STIM2: variants seen among roughly 807,000 people sequenced by gnomAD.
STIM2 encodes stromal interaction molecule 2.
A neutral mutation model predicts 85.8 loss-of-function variants in STIM2; 31 were observed. That is an observed-to-expected ratio of 0.36 (90% CI 0.27 to 0.49). STIM2 has a LOEUF of 0.49. Among genes scored for constraint, STIM2 ranks in the 20% least tolerant of loss-of-function variants. STIM2 has a pLI of 0.98. For synonymous variants in STIM2, 356 were observed against 331.1 expected (o/e 1.08, Z -0.82); for missense variants, 841 against 927.6 (o/e 0.91, Z 1.21).
chr4:26,863,684 G>T (rs1722299656), intron 1 of STIM2, among the ~76,000 whole-genome samples: 1 of 152,046 alleles, frequency 6.6e-6, no homozygotes, highest in South Asian at 2.1e-4. Context: ...CATATTGTAG[G>T]CAGCGTTAAT....
At chr4:26,889,799 TA>T (rs1484847581) in intron 1 of STIM2, among the ~76,000 whole-genome samples, 1 of 152,202 alleles carries the variant, frequency 6.6e-6, no homozygotes, top group Non-Finnish European at 1.5e-5. Context: ...CAGAATGAGT[TA>T]TTCTATCTAC....
At chr4:26,872,082 T>C (rs1206978978) in intron 1 of STIM2, among the ~76,000 whole-genome samples, 2 of 152,248 alleles carry the variant, frequency 1.3e-5, no homozygotes, top group South Asian at 4.1e-4. Flanking sequence ...TTAACCATTA[T>C]TCTTTTTATC....
chr4:26,973,549 T>C (rs1727057248), intron 3 of STIM2, among the ~76,000 whole-genome samples: 1 of 152,206 alleles, frequency 6.6e-6, no homozygotes, highest in Admixed American at 6.5e-5. Context: ...TTGTGCGGTT[T>C]TGAGTGAATT....
At chr4:26,918,942 T>TA (rs1159352691) in intron 1 of STIM2, among the ~76,000 whole-genome samples, 2 of 152,112 alleles carry the variant, frequency 1.3e-5, no homozygotes, top group African/African-American at 2.4e-5. Context: ...CCTAAGAACT[T>TA]ACGTATTTTG....
At chr4:27,021,109 GTTCA>G (rs1258909322) in intron 11 of STIM2, 92 of 1,483,886 alleles carry the variant, frequency 6.2e-5, no homozygotes, top group Admixed American at 2.2e-4. Flanking sequence ...ATCTCACTCT[GTTCA>G]TTCATTCATT....
At chr4:26,971,031 T>C (rs969548707) in intron 3 of STIM2, among the ~76,000 whole-genome samples, 1 of 152,242 alleles carries the variant, frequency 6.6e-6, no homozygotes. Flanking sequence ...GTTGGCTGCA[T>C]AGATATCTTC....
chr4:26,970,916 CT>C (rs1196362263), intron 3 of STIM2, among the ~76,000 whole-genome samples: 6 of 152,118 alleles, frequency 3.9e-5, no homozygotes, highest in African/African-American at 1.4e-4. Flanking sequence ...TGTTTCCTGA[CT>C]TTTTAATGAT....
intron 2 of STIM2, among the ~76,000 whole-genome samples, chr4:26,943,327 A>G (rs1335440337): frequency 6.6e-6 from 1 of 152,150 alleles, no homozygotes; most frequent in African/African-American, 2.4e-5. Context: ...GGTAGTTTCC[A>G]AGGATCCTCT....
intron 3 of STIM2, among the ~76,000 whole-genome samples, chr4:26,983,210 T>G (rs1259993762): frequency 2.0e-5 from 3 of 152,222 alleles, no homozygotes; most frequent in Admixed American, 2.0e-4. Context: ...GAATCAGTCT[T>G]TTTGAGTTTG....
chr4:27,017,663 A>G lies in STIM2; in HGVS notation c.1490-48A>G, dbSNP rs1728772346. 1.1e-5 allele frequency: 18 copies of G among 1,605,298 alleles called. No homozygotes were observed. In the East Asian group the frequency reaches 4.0e-4, roughly 36 times the overall value. On this transcript the variant is annotated intron_variant, in intron 10 of 11. Coordinates refer to ENST00000467087, the MANE Select transcript of STIM2 (RefSeq NM_020860.4). ...GTGTATGTATTTGTGGTGACTGTAA[A>G]GGGAACCCTGGACTTCATGAGCATG...
intron 1 of STIM2, chr4:26,874,265 G>T: frequency 2.4e-6 from 1 of 419,298 alleles, no homozygotes; most frequent in East Asian, 6.2e-5. Flanking sequence ...ACAGGCTGCA[G>T]CTCCTTGCTG....
chr4:26,908,735 C>T (rs367776043), intron 1 of STIM2, among the ~76,000 whole-genome samples: 5 of 152,322 alleles, frequency 3.3e-5, no homozygotes, highest in South Asian at 4.1e-4. Context: ...CCACCCGTCT[C>T]GGCCTCCCAA....
chr4:26,996,682 A>G (rs1727971227), intron 4 of STIM2, among the ~76,000 whole-genome samples: 1 of 152,130 alleles, frequency 6.6e-6, no homozygotes, highest in Non-Finnish European at 1.5e-5. Context: ...TAGATGCTTG[A>G]AAGAAGACAA....
chr4:26,899,674 T>C (rs1180227461), intron 1 of STIM2, among the ~76,000 whole-genome samples: 5 of 152,220 alleles, frequency 3.3e-5, no homozygotes. Flanking sequence ...TACTTTTTCC[T>C]GAGTAGTTTG....
At position 26,994,302 on chromosome 4, in the gene STIM2, A is replaced by T. The variant is rs191191063; in HGVS notation, c.398-1077A>T. On this transcript the variant is annotated intron_variant, in intron 3 of 11. Transcript: ENST00000467087. Reference sequence around the variant, plus strand: ...TCGTTTCCCCAATCTTTTCCTCCCCATTCTTTTCTATCTCAGTTAATGGTA... The same window carrying T: ...TCGTTTCCCCAATCTTTTCCTCCCCTTTCTTTTCTATCTCAGTTAATGGTA... 3.7e-4 allele frequency among the ~76,000 whole-genome samples: 56 copies of T among 151,884 alleles called. No individual in the cohort carries two copies. The South Asian group carries it at 0.011, about 30-fold the overall frequency.
At chr4:26,875,118 T>C (rs1305105610) in intron 1 of STIM2, among the ~76,000 whole-genome samples, 6 of 152,212 alleles carry the variant, frequency 3.9e-5, no homozygotes, top group Admixed American at 3.9e-4. Context: ...ATAAATCTCT[T>C]TGAGTTTTAT....
chr4:26,929,653 C>A (rs899050888), intron 2 of STIM2, among the ~76,000 whole-genome samples: 1 of 151,652 alleles, frequency 6.6e-6, no homozygotes, highest in African/African-American at 2.4e-5. Context: ...TTAGTATCCT[C>A]TGTTTTGTAT....
At position 26,995,049 on chromosome 4, in the gene STIM2, G is replaced by A. The variant is rs114893367; in HGVS notation, c.398-330G>A. 4.8e-3 allele frequency among the ~76,000 whole-genome samples: 738 copies of A among 152,202 alleles called. 4 individuals are homozygous for A. Among genetic ancestry groups the A allele is most frequent in the African/African-American group, 0.017 (714 of 41,550 alleles). ...TTTTCGGTATTACAATACTATATGG[G>A]TGGATGGCTAGATGAAAGAATGAAC... On this transcript the variant is annotated intron_variant, in intron 3 of 11. Coordinates refer to ENST00000467087, the MANE Select transcript of STIM2 (RefSeq NM_020860.4).
intron 2 of STIM2, among the ~76,000 whole-genome samples, chr4:26,944,917 G>C (rs2109084278): frequency 6.6e-6 from 1 of 152,298 alleles, no homozygotes; most frequent in South Asian, 2.1e-4. Context: ...TGTGGGAATA[G>C]AGAGTATTTG....
Sources: allele counts gnomAD v4.1 joint callset (sites outside exome capture counted in the v4.1 genomes callset), GRCh38; gene constraint gnomAD v4.1.1; transcripts MANE v1.5; gene names NCBI Gene and HGNC (gene_info 2026-07-23, HGNC 2026-07-21).